Variants in PREX1 observed in about 807,000 individuals in gnomAD.
The protein encoded by PREX1 is phosphatidylinositol 3,4,5-trisphosphate-dependent Rac exchanger 1 protein.
A neutral mutation model predicts 198.3 loss-of-function variants in PREX1; 41 were observed. That is an observed-to-expected ratio of 0.21 (90% CI 0.16 to 0.27). PREX1 has a LOEUF of 0.27. Ranked by LOEUF, PREX1 falls within the 10% of genes least tolerant of loss-of-function variation. The probability of loss-of-function intolerance (pLI) is 1.00; values close to 1 mark genes in which losing one functional copy is unlikely to be tolerated. For missense variants in PREX1, 1,620 were observed against 2,200.7 expected (o/e 0.74, Z 5.28); for synonymous variants, 843 against 887.2 (o/e 0.95, Z 0.89).
At chr20:48,861,852 C>T in the PREX1 span, among the ~76,000 whole-genome samples, 1 of 152,118 alleles carries the variant, frequency 6.6e-6, no homozygotes, top group Non-Finnish European at 1.5e-5. Context: ...AGGAAGTCTC[C>T]AGGCCTGCTT....
At chr20:48,773,006 C>T (rs940305779) in intron 1 of PREX1, among the ~76,000 whole-genome samples, 2 of 152,148 alleles carry the variant, frequency 1.3e-5, no homozygotes, top group African/African-American at 4.8e-5. Context: ...GTGGCTCATG[C>T]CTGTAATCCC....
At chr20:48,809,728 G>A (rs1161758067) in intron 1 of PREX1, among the ~76,000 whole-genome samples, 1 of 152,220 alleles carries the variant, frequency 6.6e-6, no homozygotes, top group African/African-American at 2.4e-5. Flanking sequence ...GATGGTATCA[G>A]GGTCCTGCAA....
At chr20:48,864,774 G>A in the PREX1 span, among the ~76,000 whole-genome samples, 3 of 152,220 alleles carry the variant, frequency 2.0e-5, no homozygotes, top group Admixed American at 6.5e-5. Flanking sequence ...GTTCTGAGAA[G>A]CCAAACTTCA....
intron 1 of PREX1, among the ~76,000 whole-genome samples, chr20:48,751,997 G>A (rs761781853): frequency 1.3e-5 from 2 of 152,170 alleles, no homozygotes; most frequent in African/African-American, 4.8e-5. Context: ...GACTGGAAAC[G>A]GGATGAGGAG....
At chr20:48,794,530 C>A (rs764893246) in intron 1 of PREX1, among the ~76,000 whole-genome samples, 2 of 152,226 alleles carry the variant, frequency 1.3e-5, no homozygotes, top group Non-Finnish European at 2.9e-5. Context: ...ACCAGTACTG[C>A]CCAGGAGCCC....
chr20:48,683,237 G>A (rs1458946756), intron 10 of PREX1, among the ~76,000 whole-genome samples: 1 of 152,216 alleles, frequency 6.6e-6, no homozygotes, highest in East Asian at 1.9e-4. Flanking sequence ...GCACTGATCA[G>A]CAACTCTCTG....
chr20:48,815,725 C>T (rs996430771), intron 1 of PREX1, among the ~76,000 whole-genome samples: 6 of 151,952 alleles, frequency 3.9e-5, no homozygotes, highest in Non-Finnish European at 5.9e-5. Context: ...CTGGGGCGGC[C>T]GGGCACAGTG....
At chr20:48,720,511 A>G (rs6095255) in intron 5 of PREX1, among the ~76,000 whole-genome samples, 119,019 of 151,920 alleles carry the variant, frequency 0.78, 47,943 homozygotes, top group East Asian at 0.99. Context: ...GCTGTCTCTC[A>G]GAGGACACTA....
the PREX1 span, among the ~76,000 whole-genome samples, chr20:48,881,635 T>G: frequency 6.6e-6 from 1 of 152,032 alleles, no homozygotes; most frequent in Non-Finnish European, 1.5e-5. Flanking sequence ...TACAGGCACC[T>G]GCCACGACGC....
At chr20:48,659,101 G>T (rs1305769890) in intron 16 of PREX1, among the ~76,000 whole-genome samples, 2 of 149,602 alleles carry the variant, frequency 1.3e-5, no homozygotes, top group Non-Finnish European at 3.0e-5. Flanking sequence ...TGGTGGCGCA[G>T]GTCTGTTGTC....
At chr20:48,866,394 T>C in the PREX1 span, among the ~76,000 whole-genome samples, 2 of 152,140 alleles carry the variant, frequency 1.3e-5, no homozygotes, top group Admixed American at 1.3e-4. Flanking sequence ...GGGCATTGTC[T>C]GGGAAACTGT....
the PREX1 span, among the ~76,000 whole-genome samples, chr20:48,855,691 G>T: frequency 6.6e-6 from 1 of 152,190 alleles, no homozygotes; most frequent in Admixed American, 6.5e-5. Context: ...TTGAGGTCAG[G>T]AGTTCAAGAC....
chr20:48,632,756 T>A, intron 33 of PREX1, 117 bp from the exon 34 acceptor site: 1 of 1,139,570 alleles, frequency 8.8e-7, no homozygotes, highest in East Asian at 2.5e-5. Context: ...GGGGGCACCC[T>A]GGGACCTCCC....
At chr20:48,853,145 A>G in the PREX1 span, among the ~76,000 whole-genome samples, 16 of 152,310 alleles carry the variant, frequency 1.1e-4, no homozygotes, top group East Asian at 2.5e-3. Flanking sequence ...TTTAAAAATA[A>G]ACAAAAATTT....
chr20:48,811,988 G>A (rs976750929), intron 1 of PREX1, among the ~76,000 whole-genome samples: 3 of 152,212 alleles, frequency 2.0e-5, no homozygotes, highest in African/African-American at 4.8e-5. Flanking sequence ...TGAACAGCTC[G>A]GTGCCTCAAT....
intron 4 of PREX1, among the ~76,000 whole-genome samples, chr20:48,728,717 G>C (rs2090020426): frequency 6.6e-6 from 1 of 152,164 alleles, no homozygotes; most frequent in Admixed American, 6.5e-5. Flanking sequence ...CTTGGCGTGA[G>C]AAGGGCCCAT....
In PREX1 at chr20:48,646,005, A is replaced by C; in HGVS notation, c.3358T>G (p.Leu1120Val). 1 of 1,614,184 alleles carries C rather than the reference A, an allele frequency of 6.2e-7. No individual in the cohort carries two copies. The highest frequency in any genetic ancestry group is 8.5e-7 in the Non-Finnish European group (1 of 1,180,024). ...GGCAGGGAGGAGGCCTCCTCAGCCA[A>C]GGATGCGTCGCAGGACCCACCCGAG... Reference protein sequence around the residue: ...PTSGGSCDASLAEEASSLPLV... With the variant: ...PTSGGSCDASVAEEASSLPLV... The change falls in exon 26 of 40, where the codon TTG (leucine) becomes GTG (valine). Residue 1120 changes from leucine (L) to valine (V), a missense_variant. This residue lies in a region of PREX1 where 514 missense variants were observed against 611.6 expected (regional missense o/e 0.84). Transcript: ENST00000371941.
At chr20:48,693,972 C>T (rs2089832954) in intron 7 of PREX1, among the ~76,000 whole-genome samples, 1 of 151,870 alleles carries the variant, frequency 6.6e-6, no homozygotes, top group Non-Finnish European at 1.5e-5. Flanking sequence ...AGTACAGTGG[C>T]ACAATCTCAT....
intron 16 of PREX1, 138 bp downstream of exon 16, chr20:48,659,781 C>T: frequency 8.2e-7 from 1 of 1,216,932 alleles, no homozygotes; most frequent in Non-Finnish European, 1.1e-6. Context: ...GCAGAGTTGC[C>T]CCCTACCACC....
Sources: gnomAD v4.1 joint callset for allele counts (sites outside exome capture counted in the v4.1 genomes callset) on GRCh38, gnomAD v4.1.1 for gene constraint, gnomAD v4.1.1 regional missense constraint, MANE v1.5 for transcripts, NCBI Gene and HGNC (gene_info 2026-07-23, HGNC 2026-07-21) for gene names.